Variants in FAM240B observed in about 807,000 individuals in gnomAD.
The protein encoded by FAM240B is family with sequence similarity 240 member B.
chr9:38,709,108 C>G (rs1275964941), intron 1 of FAM240B, among the ~76,000 whole-genome samples: 1 of 152,094 alleles, frequency 6.6e-6, no homozygotes, highest in Non-Finnish European at 1.5e-5. Flanking sequence ...GACTGTCTTA[C>G]TAAAATTGAC....
intron 1 of FAM240B, among the ~76,000 whole-genome samples, chr9:38,712,895 C>A (rs546740456): frequency 7.9e-5 from 12 of 152,254 alleles, no homozygotes; most frequent in African/African-American, 2.4e-4. Flanking sequence ...TCTTCACCCC[C>A]CACAGTTTGA....
chr9:38,716,342 C>T (rs906714569), intron 1 of FAM240B, among the ~76,000 whole-genome samples: 1 of 152,122 alleles, frequency 6.6e-6, no homozygotes, highest in Non-Finnish European at 1.5e-5. Flanking sequence ...CATGGTGCCC[C>T]ATGCCTGTAA....
At chr9:38,712,149 A>G (rs1020792641) in intron 1 of FAM240B, among the ~76,000 whole-genome samples, 2 of 152,134 alleles carry the variant, frequency 1.3e-5, no homozygotes, top group Non-Finnish European at 2.9e-5. Context: ...TTTAACTAAA[A>G]AAGGACTTAC....
intron 2 of FAM240B, among the ~76,000 whole-genome samples, chr9:38,698,350 A>C (rs1333065288): frequency 6.6e-6 from 1 of 152,244 alleles, no homozygotes; most frequent in Admixed American, 6.5e-5. Context: ...ATTATGGTTG[A>C]ATTGCAACCA....
At chr9:38,700,755 C>T (rs1821116732) in intron 2 of FAM240B, among the ~76,000 whole-genome samples, 1 of 152,212 alleles carries the variant, frequency 6.6e-6, no homozygotes, top group Non-Finnish European at 1.5e-5. Context: ...TTTCTCTATC[C>T]AGACTCAGAG....
At chr9:38,702,946 G>T (rs1337258420) in intron 2 of FAM240B, among the ~76,000 whole-genome samples, 1 of 152,158 alleles carries the variant, frequency 6.6e-6, no homozygotes, top group Non-Finnish European at 1.5e-5. Context: ...AAAAAGTCTT[G>T]TCCATATCTG....
intron 1 of FAM240B, among the ~76,000 whole-genome samples, chr9:38,716,561 G>A (rs1821305151): frequency 6.6e-6 from 1 of 152,180 alleles, no homozygotes; most frequent in Non-Finnish European, 1.5e-5. Context: ...CCACTTGCCA[G>A]TCAAAATTCT....
In FAM240B at chr9:38,720,016, C is replaced by T. The variant is rs1821353354; in HGVS notation, c.-4+6G>A. The T allele has an allele frequency of 6.7e-6, 1 of 148,684 alleles. No homozygotes were observed. Among genetic ancestry groups the T allele is most frequent in the Non-Finnish European group, 1.5e-5 (1 of 67,262 alleles). The allele number at this position is 148,684 out of a possible 1,614,324, so 9.2% of individuals were successfully genotyped here. On this transcript the variant is annotated splice_donor_region_variant and intron_variant, in intron 1 of 2. Coordinates refer to ENST00000637493, the MANE Select transcript of FAM240B (RefSeq NM_001394922.1). The stretch of plus-strand genomic sequence containing the variant: ...CACTTGACAACACAAGCTCAATGTA[C>T]TGTACCTTAAAGATGAATTTGCAGG...
At chr9:38,714,601 A>G (rs1013472882) in intron 1 of FAM240B, among the ~76,000 whole-genome samples, 2 of 152,220 alleles carry the variant, frequency 1.3e-5, no homozygotes, top group Admixed American at 6.5e-5. Context: ...AGTATTGTGG[A>G]TATCATGTGT....
Position 38,710,590 on chromosome 9 carries a change from A to T in FAM240B, c.-3-6588T>A, listed in dbSNP as rs548022057. Among the ~76,000 whole-genome samples the T allele has an allele frequency of 3.3e-5, 5 of 152,292 alleles. No individual in the cohort carries two copies. In the South Asian group the frequency reaches 1.0e-3, roughly 32 times the overall value. On this transcript the variant is annotated intron_variant, in intron 1 of 2. Transcript: ENST00000637493. ...TAGTTCTCCTTTTTAAAGTATAGGCAGTGGGGGGAAATGCATTGGTTTTGG... is the reference window on the plus strand; with the variant it reads ...TAGTTCTCCTTTTTAAAGTATAGGCTGTGGGGGGAAATGCATTGGTTTTGG...
chr9:38,694,618 AT>A lies in FAM240B; in HGVS notation c.*157del, dbSNP rs916118394. ...GGGATTGAGCAGGATAATAACTCCCATTAGCACTGGGGGAGGTTTCACATGT... is the reference window on the plus strand; with the variant it reads ...GGGATTGAGCAGGATAATAACTCCCATAGCACTGGGGGAGGTTTCACATGT... On this transcript the variant is annotated 3_prime_UTR_variant, in exon 3 of 3. Coordinates refer to ENST00000637493, the MANE Select transcript of FAM240B (RefSeq NM_001394922.1). 2 of 395,092 alleles carry A rather than the reference AT, an allele frequency of 5.1e-6. No individual in the cohort carries two copies. Among genetic ancestry groups the A allele is most frequent in the African/African-American group, 4.1e-5 (2 of 48,592 alleles). 24.5% of individuals were successfully genotyped at this position (395,092 alleles called of 1,614,324 possible). A position where few individuals can be genotyped will look rare whatever the true frequency, so the allele number is the denominator to read the frequency against.
intron 2 of FAM240B, among the ~76,000 whole-genome samples, chr9:38,698,458 G>T (rs1373122860): frequency 6.6e-6 from 1 of 152,126 alleles, no homozygotes; most frequent in Non-Finnish European, 1.5e-5. Context: ...GATTTATAAT[G>T]GGCATTGTGC....
In FAM240B at chr9:38,694,785, G is replaced by A. The variant is rs1821047462; in HGVS notation, c.228C>T (p.Thr76=). 5 of 398,586 alleles carry A rather than the reference G, an allele frequency of 1.3e-5. No homozygotes were observed. The allele number at this position is 398,586 out of a possible 1,614,324, so 24.7% of individuals were successfully genotyped here. A position where few individuals can be genotyped will look rare whatever the true frequency, so the allele number is the denominator to read the frequency against. The part of the protein sequence containing the change: ...NPVEKEKPAH[T]AD ...GTGAGGCAGGCAGAGCTCAGTCCGC[G>A]GTGTGTGCCGGCTTTTCCTTCTCAA... is the stretch of plus-strand genomic sequence containing the variant. The change falls in exon 3 of 3, where the codon ACC becomes ACT. Residue 76 remains threonine (T), a synonymous_variant. Coordinates refer to ENST00000637493, the MANE Select transcript of FAM240B (RefSeq NM_001394922.1).
At chr9:38,708,370 C>T (rs191361838) in intron 1 of FAM240B, among the ~76,000 whole-genome samples, 11 of 152,218 alleles carry the variant, frequency 7.2e-5, no homozygotes, top group African/African-American at 2.4e-4. Flanking sequence ...TGTTCAGGCT[C>T]GCTATTGCTG....
At chr9:38,697,770 G>A (rs1280192565) in intron 2 of FAM240B, among the ~76,000 whole-genome samples, 3 of 152,302 alleles carry the variant, frequency 2.0e-5, no homozygotes, top group Non-Finnish European at 2.9e-5. Context: ...ACATGATGAG[G>A]TGTTACTACC....
intron 2 of FAM240B, among the ~76,000 whole-genome samples, chr9:38,703,207 G>A (rs1246215402): frequency 6.6e-6 from 1 of 152,182 alleles, no homozygotes; most frequent in Non-Finnish European, 1.5e-5. Context: ...TATTTTCTGT[G>A]TTTTATGATG....
intron 2 of FAM240B, 143 bp downstream of exon 2, chr9:38,703,714 A>G (rs1015796444): frequency 2.0e-5 from 8 of 395,078 alleles, no homozygotes; most frequent in Non-Finnish European, 3.1e-5. Context: ...CTGTCACTGC[A>G]CAGAATTTAT....
chr9:38,704,580 G>A (rs1248520759), intron 1 of FAM240B, among the ~76,000 whole-genome samples: 2 of 152,042 alleles, frequency 1.3e-5, no homozygotes, highest in African/African-American at 4.8e-5. Flanking sequence ...TATCCTTTAA[G>A]AGTTACTTCA....
chr9:38,714,828 A>T (rs1407327194), intron 1 of FAM240B, among the ~76,000 whole-genome samples: 1 of 152,248 alleles, frequency 6.6e-6, no homozygotes, highest in Non-Finnish European at 1.5e-5. Flanking sequence ...TGATTGATAG[A>T]TATATACACC....
Sources: allele counts gnomAD v4.1 joint callset (sites outside exome capture counted in the v4.1 genomes callset), GRCh38; gene constraint gnomAD v4.1.1; transcripts MANE v1.5; gene names NCBI Gene and HGNC (gene_info 2026-07-23, HGNC 2026-07-21).